The following OLFM1 variants were observed in gnomAD, a reference collection of about 807,000 sequenced individuals.
OLFM1 encodes olfactomedin 1.
OLFM1 carries 9 observed loss-of-function variants against 49.7 expected under a neutral mutation model. That is an observed-to-expected ratio of 0.18 (90% CI 0.11 to 0.32). The LOEUF is 0.32. OLFM1 is among the 10% of genes least tolerant of loss of function. The probability of loss-of-function intolerance (pLI) is 1.00; values close to 1 mark genes in which losing one functional copy is unlikely to be tolerated. For missense variants in OLFM1, 369 were observed against 661.8 expected, an observed-to-expected ratio of 0.56 and a Z score of 4.85; for synonymous variants, 240 against 271.8, an observed-to-expected ratio of 0.88 and a Z score of 1.15.
Position 135,098,599 on chromosome 9 carries a change from C to A in OLFM1, c.676+94C>A. 8.6e-7 allele frequency: 1 copy of A among 1,169,154 alleles called. No individual in the cohort carries two copies. Among genetic ancestry groups the A allele is most frequent in the Non-Finnish European group, 1.2e-6 (1 of 807,962 alleles). 72.4% of individuals were successfully genotyped at this position (1,169,154 alleles called of 1,614,324 possible). A position where few individuals can be genotyped will look rare whatever the true frequency, so the allele number is the denominator to read the frequency against. On this transcript the variant is annotated intron_variant, in intron 4 of 5. Transcript: ENST00000371793. This position sits in a 1 kb window ranked among gnomAD's most constrained non-coding sequence, Gnocchi z 5.6. ...GTGGTGCTGAAGTGGACAGCGCCCG[C>A]CTGGCTTCGCGAGGTGATGGCTGGA...
chr9:135,109,675 T>C (rs959447456), intron 5 of OLFM1, among the ~76,000 whole-genome samples: 2 of 151,994 alleles, frequency 1.3e-5, no homozygotes, highest in Non-Finnish European at 2.9e-5. Flanking sequence ...CAATCTCCCA[T>C]TCAGTTTTGA....
chr9:135,106,854 G>A lies in OLFM1; in HGVS notation c.782G>A (p.Arg261Gln), dbSNP rs749666045. The change falls in exon 5 of 6, where the codon CGG (arginine) becomes CAG (glutamine). Residue 261 changes from arginine (R) to glutamine (Q), a missense_variant and splice_region_variant. Around this residue, in one of 3 missense-constraint regions of OLFM1, gnomAD observed 294 missense variants for 567.5 expected, o/e 0.52. Transcript: ENST00000371793. Reference sequence around the variant, plus strand: ...CCTCTCGCCCCTGAAGGCGATAACCGGGTGAGTGTCCCCTTATGTCATAGG... The same window carrying A: ...CCTCTCGCCCCTGAAGGCGATAACCAGGTGAGTGTCCCCTTATGTCATAGG... ...TDPLAPEGDN[R>Q]VWYMDGYHNN... 5 of 1,605,820 alleles carry A rather than the reference G, an allele frequency of 3.1e-6. No homozygotes were observed. The highest frequency in any genetic ancestry group is 2.3e-5 in the East Asian group (1 of 44,432).
intron 3 of OLFM1, chr9:135,097,962 T>G (rs1455219995): frequency 2.8e-6 from 4 of 1,438,616 alleles, no homozygotes; most frequent in Non-Finnish European, 3.6e-6. Flanking sequence ...TGCATGCGAC[T>G]GTAGCTGCAT....
Position 135,098,916 on chromosome 9 carries a change from T to C in OLFM1, c.676+411T>C, listed in dbSNP as rs1020117876. On this transcript the variant is annotated intron_variant, in intron 4 of 5. Transcript: ENST00000371793. This position sits in a 1 kb window ranked among gnomAD's most constrained non-coding sequence, Gnocchi z 5.6. ...CCTGAAATATTGAATCATGCATAGT[T>C]TGAATAAAAAAGGGAACAAAATTCA... Among the ~76,000 whole-genome samples the C allele has an allele frequency of 3.3e-5, 5 of 152,138 alleles. No individual in the cohort carries two copies. The highest frequency in any genetic ancestry group is 5.9e-5 in the Non-Finnish European group (4 of 68,024).
At chr9:135,100,146 G>C (rs1473067193) in intron 4 of OLFM1, among the ~76,000 whole-genome samples, 6 of 152,188 alleles carry the variant, frequency 3.9e-5, no homozygotes, top group Non-Finnish European at 7.3e-5. Context: ...CCCTGGAATA[G>C]ACAGGGCACA....
chr9:135,098,957 A>C lies in OLFM1; in HGVS notation c.676+452A>C, dbSNP rs981487188. On this transcript the variant is annotated intron_variant, in intron 4 of 5. Coordinates refer to ENST00000371793, the MANE Select transcript of OLFM1 (RefSeq NM_001282611.2). The surrounding 1 kb of genome is among the most constrained non-coding windows in gnomAD (Gnocchi z 5.6). ...ACAAAATTCAATCACATCTCAGTAG[A>C]GCTGCCATTCACAGCACGGGAGGGA... Among the ~76,000 whole-genome samples the C allele has an allele frequency of 7.9e-5, 12 of 152,228 alleles. No homozygotes were observed. Among genetic ancestry groups the C allele is most frequent in the African/African-American group, 2.9e-4 (12 of 41,458 alleles).
intron 4 of OLFM1, 45 bp from the exon 5 acceptor site, chr9:135,106,704 C>G: frequency 6.5e-7 from 1 of 1,535,272 alleles, no homozygotes; most frequent in Non-Finnish European, 8.9e-7. Flanking sequence ...CACCGCGGGC[C>G]GGGGCCCCCG....
intron 1 of OLFM1, chr9:135,076,927 C>G (rs1412173203): frequency 1.3e-6 from 2 of 1,550,636 alleles, no homozygotes; most frequent in Admixed American, 3.9e-5. Flanking sequence ...CACGCTGGCT[C>G]CCTGGCTCTG....
Position 135,117,292 on chromosome 9 carries a change from G to C in OLFM1, c.784-2212G>C, listed in dbSNP as rs1831108981. On this transcript the variant is annotated intron_variant, in intron 5 of 5. Coordinates refer to ENST00000371793, the MANE Select transcript of OLFM1 (RefSeq NM_001282611.2). This position sits in a 1 kb window ranked among gnomAD's most constrained non-coding sequence, Gnocchi z 5.5. ...TCTTGGTTGCTTTCGACAACCAGAG[G>C]CTTCTTCAAAGCCCATATTCTTCTC... is the stretch of plus-strand genomic sequence containing the variant. Among the ~76,000 whole-genome samples the C allele has an allele frequency of 6.6e-6, 1 of 152,164 alleles. No homozygotes were observed. Among genetic ancestry groups the C allele is most frequent in the Admixed American group, 6.5e-5 (1 of 15,284 alleles).
At chr9:135,076,066 GC>G in intron 1 of OLFM1, 1 of 1,457,822 alleles carries the variant, frequency 6.9e-7, no homozygotes, top group Admixed American at 2.6e-5. Context: ...GGACTCCGCT[GC>G]CCCCGACTCC....
chr9:135,109,490 A>G (rs1830992274), intron 5 of OLFM1, among the ~76,000 whole-genome samples: 1 of 152,006 alleles, frequency 6.6e-6, no homozygotes, highest in African/African-American at 2.4e-5. Context: ...GGTGGGGGAG[A>G]TGGGTGCTGG....
rs113606966 is a variant in OLFM1, at chr9:135,080,106, T to TC, written c.96+4310dup. Among the ~76,000 whole-genome samples the TC allele has an allele frequency of 1.3e-5, 2 of 151,572 alleles. No individual in the cohort carries two copies. The highest frequency in any genetic ancestry group is 2.9e-5 in the Non-Finnish European group (2 of 67,920). Reference sequence around the variant, plus strand: ...CCCATCCCTCTGAATCTGTTCCTCATCCCCCCATTTAGCTCATTCTAGAGC... The same window carrying TC: ...CCCATCCCTCTGAATCTGTTCCTCATCCCCCCCATTTAGCTCATTCTAGAGC... On this transcript the variant is annotated intron_variant, in intron 1 of 5. Transcript: ENST00000252854. The surrounding 1 kb of genome is among the most constrained non-coding windows in gnomAD (Gnocchi z 4.5).
At chr9:135,081,774 G>A (rs1167251797) in intron 1 of OLFM1, among the ~76,000 whole-genome samples, 2 of 152,168 alleles carry the variant, frequency 1.3e-5, no homozygotes, top group South Asian at 2.1e-4. Flanking sequence ...TCAGGAGTTC[G>A]AGGCCAAGAA....
chr9:135,076,236 C>T (rs1422682116), intron 1 of OLFM1: 1 of 1,550,614 alleles, frequency 6.4e-7, no homozygotes, highest in Admixed American at 2.0e-5. Context: ...GGCTCATCCT[C>T]CCTTTGGGCA....
intron 5 of OLFM1, among the ~76,000 whole-genome samples, chr9:135,116,433 G>A (rs540074816): frequency 6.6e-6 from 1 of 152,266 alleles, no homozygotes; most frequent in Non-Finnish European, 1.5e-5. Context: ...TACTGGAAGA[G>A]AAGGTGATTT....
chr9:135,088,233 C>G lies in OLFM1; in HGVS notation c.150+94C>G. The G allele has an allele frequency of 8.7e-7, 1 of 1,148,708 alleles. No homozygotes were observed. Among genetic ancestry groups the G allele is most frequent in the Non-Finnish European group, 1.1e-6 (1 of 917,954 alleles). The allele number at this position is 1,148,708 out of a possible 1,614,324, so 71.2% of individuals were successfully genotyped here. On this transcript the variant is annotated intron_variant, in intron 1 of 5. Transcript: ENST00000371793. This position sits in a 1 kb window ranked among gnomAD's most constrained non-coding sequence, Gnocchi z 4.8. ...AGCCCCGGGCTGGGCGGGCGCCGCG[C>G]GGGACCCGAGTCGCCCAGGGAGGCG...
rs556021831 is a variant in OLFM1, at chr9:135,075,648, A to G, written c.-59A>G. On this transcript the variant is annotated 5_prime_UTR_variant, in exon 1 of 6. Coordinates refer to the OLFM1 transcript ENST00000252854. ...CGCCGGAGCCAGCGGAGCCGGGGCC[A>G]GAGCCGGAGCGCGTCCGCGTCCACG... 34 of 1,286,304 alleles carry G rather than the reference A, an allele frequency of 2.6e-5. No individual in the cohort carries two copies. The South Asian group carries it at 3.7e-4, about 14-fold the overall frequency. 79.7% of individuals were successfully genotyped at this position (1,286,304 alleles called of 1,614,324 possible). A position where few individuals can be genotyped will look rare whatever the true frequency, so the allele number is the denominator to read the frequency against.
At chr9:135,077,235 C>A in intron 1 of OLFM1, 1 of 1,497,332 alleles carries the variant, frequency 6.7e-7, no homozygotes, top group Non-Finnish European at 8.9e-7. Flanking sequence ...GGCAAGCTGC[C>A]CCACAAAGGG....
At chr9:135,107,131 GTGGGCTGGGCTGGGCTGGGCTGGGC>G (rs55864915) in intron 5 of OLFM1, among the ~76,000 whole-genome samples, 5 of 151,698 alleles carry the variant, frequency 3.3e-5, no homozygotes, top group African/African-American at 7.3e-5. Flanking sequence ...CCCCGGCCCG[GTGGGCTGGGCTGGGCTGGGCTGGGC>G]TGGGCTGGGC....
Sources: allele counts gnomAD v4.1 joint callset (sites outside exome capture counted in the v4.1 genomes callset), GRCh38; gene constraint gnomAD v4.1.1; regional missense constraint gnomAD v4.1.1; non-coding constraint Gnocchi (gnomAD v3.1); transcripts MANE v1.5; gene names NCBI Gene and HGNC (gene_info 2026-07-23, HGNC 2026-07-21).